The following PTPRD variants were observed in gnomAD, a reference collection of about 807,000 sequenced individuals.
PTPRD encodes the protein receptor-type tyrosine-protein phosphatase delta.
A neutral mutation model predicts 214.5 loss-of-function variants in PTPRD; 34 were observed. The ratio of observed to expected loss-of-function variants is 0.16; its 90% confidence interval spans 0.12 to 0.21. The LOEUF (loss-of-function observed/expected upper bound fraction) is 0.21. PTPRD is among the 10% of genes least tolerant of loss of function. The pLI is 1.00. For missense variants in PTPRD, 2,545 were observed against 2,398.7 expected, an observed-to-expected ratio of 1.06 and a Z score of -1.27; for synonymous variants, 1,128 against 845.7, an observed-to-expected ratio of 1.33 and a Z score of -5.79.
chr9:8,526,649 G>T lies in PTPRD; in HGVS notation c.551-5C>A. 1 of 1,572,956 alleles carries T rather than the reference G, an allele frequency of 6.4e-7. No individual in the cohort carries two copies. The highest frequency in any genetic ancestry group is 8.6e-7 in the Non-Finnish European group (1 of 1,156,268). On this transcript the variant is annotated splice_polypyrimidine_tract_variant and splice_region_variant and intron_variant, in intron 16 of 45. Coordinates refer to ENST00000381196, the MANE Select transcript of PTPRD (RefSeq NM_002839.4). ...TACCTCTTATTGGTGTACCACCTGG[G>T]TGGATAATATGAATGCAAATAAGAT...
chr9:8,709,731 G>C (rs1002816138), intron 12 of PTPRD, among the ~76,000 whole-genome samples: 1 of 151,806 alleles, frequency 6.6e-6, no homozygotes, highest in Admixed American at 6.6e-5. Context: ...AAATAAAAAA[G>C]AAATCATTTA....
intron 10 of PTPRD, among the ~76,000 whole-genome samples, chr9:9,164,669 C>A (rs745732708): frequency 3.3e-5 from 5 of 152,058 alleles, no homozygotes; most frequent in Non-Finnish European, 7.4e-5. Context: ...GTGTTCAATA[C>A]ATATTTATTA....
intron 11 of PTPRD, among the ~76,000 whole-genome samples, chr9:8,854,302 C>T (rs1319371031): frequency 1.3e-5 from 2 of 152,072 alleles, no homozygotes; most frequent in East Asian, 3.8e-4. Context: ...CACAATGAAA[C>T]TAAAGAAGGG....
chr9:9,284,340 C>A (rs951689854), intron 9 of PTPRD, among the ~76,000 whole-genome samples: 6 of 151,556 alleles, frequency 4.0e-5, no homozygotes, highest in Non-Finnish European at 7.4e-5. Flanking sequence ...CCTTTTGATC[C>A]TAAAGTGATT....
intron 10 of PTPRD, among the ~76,000 whole-genome samples, chr9:9,038,033 A>C (rs1026778996): frequency 6.6e-6 from 1 of 152,212 alleles, no homozygotes; most frequent in Non-Finnish European, 1.5e-5. Flanking sequence ...TTAATAAAAT[A>C]AATAAAATAT....
rs533474785 is a variant in PTPRD, at chr9:9,097,263, G to C, written c.-142-78528C>G. On this transcript the variant is annotated intron_variant, in intron 10 of 45. Coordinates refer to ENST00000381196, the MANE Select transcript of PTPRD (RefSeq NM_002839.4). ...AAAATCTGTCCTGAAAACAAATGCAGTATCAGCACTATAATGAGGAGATTC... is the reference window on the plus strand; with the variant it reads ...AAAATCTGTCCTGAAAACAAATGCACTATCAGCACTATAATGAGGAGATTC... Among the ~76,000 whole-genome samples, 3 of 152,244 alleles carry C rather than the reference G, an allele frequency of 2.0e-5. No homozygotes were observed. The East Asian group carries it at 5.8e-4, about 29-fold the overall frequency.
At chr9:8,730,619 T>C (rs1031534360) in intron 12 of PTPRD, among the ~76,000 whole-genome samples, 2 of 152,250 alleles carry the variant, frequency 1.3e-5, no homozygotes, top group African/African-American at 4.8e-5. Flanking sequence ...AGTTTTTCTT[T>C]TTTAAAGACT....
At chr9:9,011,484 G>C (rs544838318) in intron 11 of PTPRD, among the ~76,000 whole-genome samples, 1 of 152,188 alleles carries the variant, frequency 6.6e-6, no homozygotes, top group East Asian at 1.9e-4. Flanking sequence ...AGAGAAGTGA[G>C]GTGTACATTA....
At chr9:9,618,816 A>G (rs2095058961) in intron 7 of PTPRD, among the ~76,000 whole-genome samples, 1 of 152,174 alleles carries the variant, frequency 6.6e-6, no homozygotes, top group Non-Finnish European at 1.5e-5. Flanking sequence ...TTGAATTTAA[A>G]TAGGATCACC....
chr9:9,931,696 T>C (rs7047854), intron 5 of PTPRD, among the ~76,000 whole-genome samples: 83,914 of 149,040 alleles, frequency 0.56, 26,657 homozygotes, highest in East Asian at 0.91. Context: ...ACAAAGCAGC[T>C]GGGAAGCTCG....
intron 10 of PTPRD, among the ~76,000 whole-genome samples, chr9:9,024,656 G>A (rs895673139): frequency 6.6e-6 from 1 of 151,438 alleles, no homozygotes; most frequent in South Asian, 2.1e-4. Flanking sequence ...TTTAATATGT[G>A]TTTCTTTGGT....
chr9:9,019,465 G>A (rs1212086913), intron 10 of PTPRD, among the ~76,000 whole-genome samples: 1 of 152,168 alleles, frequency 6.6e-6, no homozygotes, highest in Non-Finnish European at 1.5e-5. Flanking sequence ...AGGACTTGGG[G>A]AGGCCAAGGC....
Position 10,225,699 on chromosome 9 carries a change from C to T in PTPRD, c.-545+115264G>A, listed in dbSNP as rs139647302. 6.0e-4 allele frequency among the ~76,000 whole-genome samples: 91 copies of T among 152,048 alleles called. 1 individual carries two copies. The East Asian group carries it at 0.015, about 25-fold the overall frequency. ...AAGTCTACTCTTATTCATTAACTGT[C>T]GTATTCATACTGTGGATACATGCCT... On this transcript the variant is annotated intron_variant, in intron 3 of 45. Coordinates refer to ENST00000381196, the MANE Select transcript of PTPRD (RefSeq NM_002839.4).
intron 12 of PTPRD, among the ~76,000 whole-genome samples, chr9:8,661,461 C>T (rs2097050913): frequency 1.3e-5 from 2 of 151,702 alleles, no homozygotes; most frequent in Admixed American, 1.3e-4. Flanking sequence ...CTTTGTATTC[C>T]AAAGGGAAAT....
intron 4 of PTPRD, among the ~76,000 whole-genome samples, chr9:9,972,804 T>C (rs1167176811): frequency 3.3e-5 from 5 of 152,130 alleles, no homozygotes; most frequent in Admixed American, 2.0e-4. Context: ...GCTTCCTTTC[T>C]CATATCTCCT....
intron 9 of PTPRD, among the ~76,000 whole-genome samples, chr9:9,248,963 T>C (rs1182398977): frequency 6.6e-6 from 1 of 152,044 alleles, no homozygotes; most frequent in East Asian, 1.9e-4. Context: ...TATCAGATCT[T>C]GCTTTTGAAC....
intron 3 of PTPRD, among the ~76,000 whole-genome samples, chr9:10,124,165 A>G (rs983757687): frequency 6.6e-6 from 1 of 152,214 alleles, no homozygotes; most frequent in African/African-American, 2.4e-5. Context: ...GGATGCAGCT[A>G]TGATTTGTTA....
intron 3 of PTPRD, among the ~76,000 whole-genome samples, chr9:10,257,194 AC>A (rs1285796842): frequency 6.6e-6 from 1 of 152,242 alleles, no homozygotes; most frequent in African/African-American, 2.4e-5. Flanking sequence ...GGTTTTAGAC[AC>A]GTTTTTGCTT....
chr9:9,880,677 T>G (rs1389031142), intron 5 of PTPRD, among the ~76,000 whole-genome samples: 1 of 152,190 alleles, frequency 6.6e-6, no homozygotes, highest in Non-Finnish European at 1.5e-5. Context: ...TTATACACAC[T>G]GAGCAGTAAT....
Sources: gnomAD v4.1 joint callset for allele counts (sites outside exome capture counted in the v4.1 genomes callset) on GRCh38, gnomAD v4.1.1 for gene constraint, MANE v1.5 for transcripts, NCBI Gene and HGNC (gene_info 2026-07-23, HGNC 2026-07-21) for gene names.